Variants in NUMA1 observed in about 807,000 individuals in gnomAD.
NUMA1 encodes the protein nuclear mitotic apparatus protein 1.
A neutral mutation model predicts 237.1 loss-of-function variants in NUMA1; 62 were observed. The observed-to-expected ratio is 0.26, with a 90% confidence interval of 0.21 to 0.32. NUMA1 has a LOEUF of 0.32. NUMA1 is among the 10% of genes least tolerant of loss of function. NUMA1 has a pLI of 1.00. For synonymous variants in NUMA1, 1,028 were observed against 1,066.1 expected (o/e 0.96, Z 0.70); for missense variants, 2,533 against 2,666.5 (o/e 0.95, Z 1.10).
At chr11:72,049,044 T>A (rs1488892426) in intron 2 of NUMA1, among the ~76,000 whole-genome samples, 3 of 152,032 alleles carry the variant, frequency 2.0e-5, no homozygotes, top group Non-Finnish European at 4.4e-5. Flanking sequence ...CCAGAGAGGA[T>A]TCATTATAAC....
intron 2 of NUMA1, among the ~76,000 whole-genome samples, chr11:72,050,394 T>A (rs1169660589): frequency 6.6e-6 from 1 of 152,146 alleles, no homozygotes; most frequent in African/African-American, 2.4e-5. Flanking sequence ...AACATGAATA[T>A]GAGTTCTAAA....
chr11:72,004,317 G>C lies in NUMA1; in HGVS notation c.6031C>G (p.Pro2011Ala). The change falls in exon 25 of 27, where the codon CCA becomes GCA. Residue 2011 changes from proline to alanine, a missense_variant. By Grantham distance (27) the Pro-to-Ala change is conservative. Around this residue, in one of 3 missense-constraint regions of NUMA1, gnomAD observed 795 missense variants for 750.8 expected, o/e 1.06. Coordinates refer to ENST00000393695, the MANE Select transcript of NUMA1 (RefSeq NM_006185.4). ...PESKKATSCF[P>A]RPMTPRDRHE... ...CGGTCTCGGGGAGTCATGGGGCGTGGGAAACAGCTGGTGGCCTTCTTAGAC... is the reference window on the plus strand; with the variant it reads ...CGGTCTCGGGGAGTCATGGGGCGTGCGAAACAGCTGGTGGCCTTCTTAGAC... The C allele has an allele frequency of 1.9e-6, 3 of 1,613,120 alleles. No homozygotes were observed. The highest frequency in any genetic ancestry group is 2.5e-6 in the Non-Finnish European group (3 of 1,179,804).
rs370005527 is a variant in NUMA1 at position 72,008,647 on chromosome 11, C to T, written c.5216+41G>A. On this transcript the variant is annotated intron_variant, in intron 20 of 26. Coordinates refer to ENST00000393695, the MANE Select transcript of NUMA1 (RefSeq NM_006185.4). ...AGGATACAGCCTGATAAACAGCAGGCACTCCATAAACAGACATAGGGAGGA... is the reference window on the plus strand; with the variant it reads ...AGGATACAGCCTGATAAACAGCAGGTACTCCATAAACAGACATAGGGAGGA... 7.5e-6 allele frequency: 12 copies of T among 1,600,288 alleles called. No individual in the cohort carries two copies. In the East Asian group the frequency reaches 8.9e-5, roughly 12 times the overall value.
Position 72,014,440 on chromosome 11 carries a change from G to T in NUMA1, c.3063C>A (p.Ala1021=), listed in dbSNP as rs774432023. Residue 1021 remains alanine, a synonymous_variant, in exon 15 of 27, where the codon GCC becomes GCA. Coordinates refer to ENST00000393695, the MANE Select transcript of NUMA1 (RefSeq NM_006185.4). The surrounding 1 kb of genome is among the most constrained non-coding windows in gnomAD (Gnocchi z 4.6). ...GCTCTGCTCTGGCCGCCTTCTCCAGGGCAAGGTCAGCCTGGGCACGGCCCC... is the reference window on the plus strand; with the variant it reads ...GCTCTGCTCTGGCCGCCTTCTCCAGTGCAAGGTCAGCCTGGGCACGGCCCC... ...QERGRAQADL[A]LEKAARAELE... is the part of the protein sequence containing the mutation. 3.7e-6 allele frequency: 6 copies of T among 1,606,284 alleles called. No homozygotes were observed. The highest frequency in any genetic ancestry group is 5.1e-6 in the Non-Finnish European group (6 of 1,179,992).
At chr11:72,018,781 G>A (rs763271017) in intron 10 of NUMA1, 42 bp downstream of exon 10, 130 of 1,589,474 alleles carry the variant, frequency 8.2e-5, no homozygotes, top group Middle Eastern at 4.5e-4. Flanking sequence ...ACATCCTTCC[G>A]GCAAGTCTAT....
Position 72,013,603 on chromosome 11 carries a change from C to T in NUMA1, c.3900G>A (p.Glu1300=). ...CTGAAGCCACCCGCTGTTTCTCAGC[C>T]TCCTCCCGGAGGCTCTGCACCTCCT... ...LREEVQSLRE[E]AEKQRVASEN... is the part of the protein sequence containing the mutation. The change falls in exon 15 of 27, where the codon GAG becomes GAA. Residue 1300 remains glutamate (E), a synonymous_variant. Transcript: ENST00000393695. This position sits in a 1 kb window ranked among gnomAD's most constrained non-coding sequence, Gnocchi z 6.8. The T allele has an allele frequency of 6.2e-7, 1 of 1,611,904 alleles. No individual in the cohort carries two copies. Among genetic ancestry groups the T allele is most frequent in the Non-Finnish European group, 8.5e-7 (1 of 1,179,974 alleles).
intron 22 of NUMA1, chr11:72,005,724 C>T (rs562138637): frequency 1.3e-4 from 66 of 495,176 alleles, no homozygotes; most frequent in Admixed American, 4.8e-4. Context: ...CAAGAAGAGT[C>T]TGGCCAGCCT....
In NUMA1 at chr11:72,014,425, G is replaced by A. The variant is rs1246766001; in HGVS notation, c.3078C>T (p.Ala1026=). 1.2e-6 allele frequency: 2 copies of A among 1,608,112 alleles called. No homozygotes were observed. The highest frequency in any genetic ancestry group is 1.7e-6 in the Non-Finnish European group (2 of 1,180,010). The change falls in exon 15 of 27, where the codon GCC becomes GCT. Residue 1026 remains alanine, a synonymous_variant. Transcript: ENST00000393695. The surrounding 1 kb of genome is among the most constrained non-coding windows in gnomAD (Gnocchi z 4.6). ...AQADLALEKA[A]RAELEMRLQN... ...GCAGCCGCATCTCAAGCTCTGCTCTGGCCGCCTTCTCCAGGGCAAGGTCAG... is the reference window on the plus strand; with the variant it reads ...GCAGCCGCATCTCAAGCTCTGCTCTAGCCGCCTTCTCCAGGGCAAGGTCAG...
chr11:72,067,774 G>T (rs7101643), intron 2 of NUMA1: 2 of 152,130 alleles, frequency 1.3e-5, no homozygotes, highest in South Asian at 4.1e-4. Context: ...GGAAAACAAT[G>T]TTTAGAGTAA....
At chr11:72,071,605 T>C (rs1943454608) in intron 1 of NUMA1, among the ~76,000 whole-genome samples, 1 of 152,252 alleles carries the variant, frequency 6.6e-6, no homozygotes, top group South Asian at 2.1e-4. Flanking sequence ...TGAACAAGTA[T>C]TATATACTGG....
Position 72,029,281 on chromosome 11 carries a change from G to T in NUMA1, c.52C>A (p.Leu18Ile). ...GAALLSWVNS[L>I]HVADPVEAVL... ...GCCTCCACAGGGTCAGCCACGTGTA[G>T]ACTGTTCACCTGTAAATCAAAGGGA... The change falls in exon 4 of 27, where the codon CTA becomes ATA. Residue 18 changes from leucine (L) to isoleucine (I), a missense_variant. Transcript: ENST00000393695. 6.2e-7 allele frequency: 1 copy of T among 1,606,858 alleles called. No individual in the cohort carries two copies. The highest frequency in any genetic ancestry group is 1.1e-5 in the South Asian group (1 of 90,952).
At chr11:72,035,432 G>A (rs1281631136) in intron 3 of NUMA1, among the ~76,000 whole-genome samples, 3 of 150,400 alleles carry the variant, frequency 2.0e-5, no homozygotes, top group Non-Finnish European at 3.0e-5. Flanking sequence ...TTTTTAGACC[G>A]AGTCTTGCTC....
chr11:72,062,152 TC>T, intron 2 of NUMA1, among the ~76,000 whole-genome samples: 1 of 152,238 alleles, frequency 6.6e-6, no homozygotes, highest in East Asian at 1.9e-4. Flanking sequence ...GCCATTCAGT[TC>T]CTATACGGCA....
chr11:72,039,097 T>C (rs1020996146), intron 2 of NUMA1, among the ~76,000 whole-genome samples: 1 of 152,124 alleles, frequency 6.6e-6, no homozygotes, highest in African/African-American at 2.4e-5. Context: ...AGAAAATAAA[T>C]ATCAAGATAA....
intron 16 of NUMA1, chr11:72,012,167 G>A: frequency 2.0e-6 from 1 of 507,350 alleles, no homozygotes; most frequent in East Asian, 3.2e-5. Flanking sequence ...ATAGGCAAAT[G>A]AGAGAAGGTG....
chr11:72,066,468 C>T (rs1943205844), intron 2 of NUMA1: 1 of 152,126 alleles, frequency 6.6e-6, no homozygotes, highest in Admixed American at 6.5e-5. Context: ...CCTTCCCAGC[C>T]TCATCTTCAG....
chr11:72,079,288 TC>T (rs10713307), intron 1 of NUMA1, among the ~76,000 whole-genome samples: 135,417 of 152,188 alleles, frequency 0.89, 60,497 homozygotes, highest in Non-Finnish European at 0.95. Flanking sequence ...ACGCCTGTAA[TC>T]CCAAGCACTT....
intron 23 of NUMA1, 124 bp from the exon 24 acceptor site, chr11:72,004,940 G>T: frequency 9.9e-7 from 1 of 1,012,906 alleles, no homozygotes; most frequent in Non-Finnish European, 1.4e-6. Flanking sequence ...GCCTCACGAG[G>T]TAGAAAGACA....
intron 2 of NUMA1, chr11:72,040,942 G>A (rs1463360979): frequency 6.6e-6 from 1 of 152,092 alleles, no homozygotes; most frequent in Non-Finnish European, 1.5e-5. Flanking sequence ...AAAAGTCTCG[G>A]TGCGGGGGGG....
Sources: gnomAD v4.1 joint callset for allele counts (sites outside exome capture counted in the v4.1 genomes callset) on GRCh38, gnomAD v4.1.1 for gene constraint, gnomAD v4.1.1 regional missense constraint, Gnocchi (gnomAD v3.1) non-coding constraint, MANE v1.5 for transcripts, NCBI Gene and HGNC (gene_info 2026-07-23, HGNC 2026-07-21) for gene names.